VANGL2: variants seen among roughly 807,000 people sequenced by gnomAD.
VANGL2 encodes the protein vang-like protein 2.
In VANGL2, 14 loss-of-function variants were observed where a neutral mutation model predicts 50.2. That is an observed-to-expected ratio of 0.28 (90% CI 0.18 to 0.44). VANGL2 has a LOEUF of 0.44. VANGL2 is among the 20% of genes least tolerant of loss of function. VANGL2 has a pLI of 1.00. For missense variants in VANGL2, 533 were observed against 701.5 expected, an observed-to-expected ratio of 0.76 and a Z score of 2.71; for synonymous variants, 295 against 297.2, an observed-to-expected ratio of 0.99 and a Z score of 0.08.
chr1:160,415,790 C>A lies in VANGL2; in HGVS notation c.-48C>A. 6.3e-7 allele frequency: 1 copy of A among 1,589,434 alleles called. No individual in the cohort carries two copies. The highest frequency in any genetic ancestry group is 2.3e-5 in the East Asian group (1 of 43,972). On this transcript the variant is annotated 5_prime_UTR_variant, in exon 2 of 8. Transcript: ENST00000368061. ...GGTGGCTGTGGGGCCCCCCAAGAGG[C>A]CCCAGCCTGCGGCCCTGGAGCGCTA... is the stretch of plus-strand genomic sequence containing the variant.
At chr1:160,422,920 T>A (rs1006825096) in intron 6 of VANGL2, among the ~76,000 whole-genome samples, 44 of 146,296 alleles carry the variant, frequency 3.0e-4, no homozygotes, top group Non-Finnish European at 1.4e-4. Flanking sequence ...TTTTTTTTTT[T>A]ATTGAGATGG....
intron 3 of VANGL2, among the ~76,000 whole-genome samples, chr1:160,416,705 G>A (rs1372155125): frequency 6.6e-6 from 1 of 152,244 alleles, no homozygotes; most frequent in East Asian, 1.9e-4. Flanking sequence ...ATGGAGCAGG[G>A]ACCCCAGGAG....
At chr1:160,401,137 G>A (rs1007243487) in intron 1 of VANGL2, among the ~76,000 whole-genome samples, 6 of 152,186 alleles carry the variant, frequency 3.9e-5, no homozygotes, top group East Asian at 3.9e-4. Context: ...CCCAGGCCTG[G>A]AGAGCCGGGG....
rs149747826 is a variant in VANGL2, at chr1:160,401,433, T to C, written c.-191+564T>C. Among the ~76,000 whole-genome samples, 257 of 152,092 alleles carry C rather than the reference T, an allele frequency of 1.7e-3. 1 individual carries two copies. Among genetic ancestry groups the C allele is most frequent in the African/African-American group, 6.0e-3 (249 of 41,502 alleles). ...GGGGCTGGAGGCGGTAGACTGTGTA[T>C]AGGGGCCGAGGGGACAGGCGCTGGC... On this transcript the variant is annotated intron_variant, in intron 1 of 7. Coordinates refer to ENST00000368061, the MANE Select transcript of VANGL2 (RefSeq NM_020335.3).
chr1:160,424,616 T>C (rs78172141), intron 7 of VANGL2, among the ~76,000 whole-genome samples: 174 of 152,302 alleles, frequency 1.1e-3, no homozygotes, highest in Middle Eastern at 6.8e-3. Context: ...TAGCTGGTCT[T>C]GGCTTTGTGT....
At chr1:160,422,626 C>G (rs1400346064) in intron 6 of VANGL2, among the ~76,000 whole-genome samples, 2 of 152,220 alleles carry the variant, frequency 1.3e-5, no homozygotes, top group Non-Finnish European at 2.9e-5. Flanking sequence ...TGGTCCTGCT[C>G]TTAGGCCAGG....
intron 6 of VANGL2, among the ~76,000 whole-genome samples, chr1:160,422,038 C>A (rs1459818217): frequency 6.6e-6 from 1 of 152,170 alleles, no homozygotes; most frequent in African/African-American, 2.4e-5. Flanking sequence ...TGCCGGGTTC[C>A]ATCTTGGTCT....
chr1:160,424,180 C>T lies in VANGL2; in HGVS notation c.1202C>T (p.Ala401Val). ...AQAIFASMARAMQKYLRTTKQ... is the reference protein window; with the variant it reads ...AQAIFASMARVMQKYLRTTKQ... ...GCCATCTTTGCATCCATGGCCCGTG[C>T]CATGCAGAAGTACCTTCGGACCACC... The change falls in exon 7 of 8, where the codon GCC becomes GTC. Residue 401 changes from alanine to valine, a missense_variant. Coordinates refer to ENST00000368061, the MANE Select transcript of VANGL2 (RefSeq NM_020335.3). The T allele has an allele frequency of 6.2e-7, 1 of 1,614,196 alleles. No individual in the cohort carries two copies. Among genetic ancestry groups the T allele is most frequent in the Non-Finnish European group, 8.5e-7 (1 of 1,180,032 alleles).
At chr1:160,403,071 A>G (rs1167575195) in intron 1 of VANGL2, among the ~76,000 whole-genome samples, 1 of 152,048 alleles carries the variant, frequency 6.6e-6, no homozygotes, top group Non-Finnish European at 1.5e-5. Context: ...GCCTGGAGAT[A>G]AGAGTAGTAG....
chr1:160,404,138 G>A (rs1173403098), intron 1 of VANGL2, among the ~76,000 whole-genome samples: 3 of 152,140 alleles, frequency 2.0e-5, no homozygotes, highest in African/African-American at 7.2e-5. Context: ...GGAGAACTAG[G>A]CTTTGGTTCT....
At chr1:160,416,240 C>T in intron 3 of VANGL2, 58 bp downstream of exon 3, 4 of 1,612,304 alleles carry the variant, frequency 2.5e-6, no homozygotes, top group South Asian at 1.1e-5. Flanking sequence ...TCCTGAGGGG[C>T]TGGAGGCTCC....
rs192459034 is a variant in VANGL2 at position 160,401,421 on chromosome 1, G to A, written c.-191+552G>A. The stretch of plus-strand genomic sequence containing the variant: ...CAGACCGAGGATGGGGCTGGAGGCG[G>A]TAGACTGTGTATAGGGGCCGAGGGG... On this transcript the variant is annotated intron_variant, in intron 1 of 7. Transcript: ENST00000368061. Among the ~76,000 whole-genome samples the A allele has an allele frequency of 5.3e-5, 8 of 152,234 alleles. No homozygotes were observed. In the East Asian group the frequency reaches 1.4e-3, roughly 26 times the overall value.
chr1:160,420,900 GA>G, intron 5 of VANGL2, 151 bp from the exon 6 acceptor site: 1 of 1,180,578 alleles, frequency 8.5e-7, no homozygotes, highest in South Asian at 1.4e-5. Context: ...GCCTCTCCCA[GA>G]GGTGGCCAGG....
intron 3 of VANGL2, among the ~76,000 whole-genome samples, chr1:160,416,442 G>A (rs1651063761): frequency 6.6e-6 from 1 of 152,206 alleles, no homozygotes; most frequent in Non-Finnish European, 1.5e-5. Flanking sequence ...TGGGCTGTAT[G>A]ATGGGAATTG....
intron 7 of VANGL2, 61 bp from the exon 8 acceptor site, chr1:160,425,057 G>T: frequency 6.2e-7 from 1 of 1,613,046 alleles, no homozygotes; most frequent in Non-Finnish European, 8.5e-7. Context: ...TATGACCTAG[G>T]GGATGAAGGA....
intron 6 of VANGL2, among the ~76,000 whole-genome samples, chr1:160,422,260 G>C (rs1396177866): frequency 6.6e-6 from 1 of 152,168 alleles, no homozygotes. Context: ...CTTGGAAATG[G>C]CCTGAGACTT....
chr1:160,420,331 A>C, intron 4 of VANGL2, 80 bp from the exon 5 acceptor site: 1 of 1,588,614 alleles, frequency 6.3e-7, no homozygotes, highest in Non-Finnish European at 8.6e-7. Context: ...CTGCCCTGCC[A>C]ACCTGCCCTA....
At chr1:160,412,394 C>T (rs1266307135) in intron 1 of VANGL2, among the ~76,000 whole-genome samples, 1 of 151,954 alleles carries the variant, frequency 6.6e-6, no homozygotes, top group African/African-American at 2.4e-5. Flanking sequence ...TGCCTTTGAG[C>T]CTCCTAGCAA....
rs1204270710 is a variant in VANGL2 at position 160,419,284 on chromosome 1, C to T, written c.475C>T (p.Leu159=). 1 of 1,607,944 alleles carries T rather than the reference C, an allele frequency of 6.2e-7. No homozygotes were observed. Among genetic ancestry groups the T allele is most frequent in the Non-Finnish European group, 8.5e-7 (1 of 1,179,998 alleles). ...CTCTGTCGCCTTCAAGCTGCTCATC[C>T]TGCTACTGGGCAGCTGGGCTCTGTT... ...FISVAFKLLI[L]LLGSWALFFR... is the part of the protein sequence containing the mutation. The change falls in exon 4 of 8, where the codon CTG becomes TTG. Residue 159 remains leucine (L), a synonymous_variant. Coordinates refer to ENST00000368061, the MANE Select transcript of VANGL2 (RefSeq NM_020335.3). This position sits in a 1 kb window ranked among gnomAD's most constrained non-coding sequence, Gnocchi z 5.8.
Sources: allele counts gnomAD v4.1 joint callset (sites outside exome capture counted in the v4.1 genomes callset), GRCh38; gene constraint gnomAD v4.1.1; non-coding constraint Gnocchi (gnomAD v3.1); transcripts MANE v1.5; gene names NCBI Gene and HGNC (gene_info 2026-07-23, HGNC 2026-07-21).